The following EXOC6 variants were observed in gnomAD, a reference collection of about 807,000 sequenced individuals.
EXOC6 encodes exocyst complex component 6, also known as SEC15-like 1.
A neutral mutation model predicts 112.5 loss-of-function variants in EXOC6; 60 were observed. The observed-to-expected ratio is 0.53, with a 90% CI of 0.43 to 0.66. The LOEUF is 0.66. EXOC6 is among the 30% of genes least tolerant of loss of function. The probability of loss-of-function intolerance (pLI) is 0.00; values close to 1 mark genes in which losing one functional copy is unlikely to be tolerated. For synonymous variants in EXOC6, 295 were observed against 308.0 expected, an observed-to-expected ratio of 0.96 and a Z score of 0.44; for missense variants, 855 against 957.1, an observed-to-expected ratio of 0.89 and a Z score of 1.41.
At chr10:92,864,773 G>A (rs1463553688) in intron 1 of EXOC6, among the ~76,000 whole-genome samples, 1 of 152,014 alleles carries the variant, frequency 6.6e-6, no homozygotes, top group East Asian at 1.9e-4. Context: ...AGACTGTGGG[G>A]CTTACACGAG....
At chr10:92,861,142 G>A (rs1847891562) in intron 1 of EXOC6, among the ~76,000 whole-genome samples, 1 of 152,152 alleles carries the variant, frequency 6.6e-6, no homozygotes, top group Non-Finnish European at 1.5e-5. Flanking sequence ...TTATGTTTGT[G>A]CTTCTCCACA....
intron 17 of EXOC6, among the ~76,000 whole-genome samples, chr10:92,963,834 C>A (rs983673755): frequency 2.6e-5 from 4 of 152,076 alleles, no homozygotes; most frequent in African/African-American, 4.8e-5. Flanking sequence ...TATGATACTT[C>A]AGTTCTTGTA....
chr10:92,992,429 T>C (rs952426415), intron 18 of EXOC6, among the ~76,000 whole-genome samples: 2 of 152,188 alleles, frequency 1.3e-5, no homozygotes, highest in African/African-American at 2.4e-5. Context: ...TTCAGTGTTA[T>C]GTACAGTGTT....
intron 1 of EXOC6, among the ~76,000 whole-genome samples, chr10:92,887,438 C>T (rs1016191445): frequency 3.4e-5 from 5 of 145,592 alleles, no homozygotes; most frequent in African/African-American, 1.3e-4. Flanking sequence ...GTTCTTATCG[C>T]CCAGGCTGGA....
intron 20 of EXOC6, among the ~76,000 whole-genome samples, chr10:93,018,319 A>G (rs910878524): frequency 3.9e-5 from 6 of 152,194 alleles, no homozygotes; most frequent in Admixed American, 1.3e-4. Context: ...TAAATGCCTT[A>G]CTAGAGGCAT....
At position 93,058,317 on chromosome 10, in the gene EXOC6, C is replaced by G; in HGVS notation, c.2377C>G (p.Leu793Val). Residue 793 changes from leucine (L) to valine (V), a missense_variant, in exon 22 of 22, where the codon CTG becomes GTG. This residue lies in a region of EXOC6 where 450 missense variants were observed against 563.5 expected (regional missense o/e 0.80). Transcript: ENST00000260762. ...QKLIETVVKQ[L>V]RSLVNGMSQH... The stretch of plus-strand genomic sequence containing the variant: ...GTTGATAGAGACAGTCGTGAAACAG[C>G]TGAGAAGTTTGGTGAATGGTATGTC... 14 of 1,611,506 alleles carry G rather than the reference C, an allele frequency of 8.7e-6. No individual in the cohort carries two copies. Among genetic ancestry groups the G allele is most frequent in the Non-Finnish European group, 1.2e-5 (14 of 1,179,526 alleles).
At chr10:93,012,231 A>G (rs1454088167) in intron 19 of EXOC6, among the ~76,000 whole-genome samples, 2 of 152,182 alleles carry the variant, frequency 1.3e-5, no homozygotes, top group African/African-American at 4.8e-5. Context: ...TTACCTGCTC[A>G]AGAAGAGTAA....
At chr10:92,853,274 T>C (rs1847438902) in intron 1 of EXOC6, among the ~76,000 whole-genome samples, 1 of 152,230 alleles carries the variant, frequency 6.6e-6, no homozygotes, top group Non-Finnish European at 1.5e-5. Context: ...GGACACATAC[T>C]GTTTTCATGG....
intron 20 of EXOC6, among the ~76,000 whole-genome samples, chr10:93,020,010 T>C (rs936147752): frequency 5.9e-5 from 9 of 152,304 alleles, no homozygotes; most frequent in Non-Finnish European, 8.8e-5. Context: ...AAGACTAAAA[T>C]TTATTTTACA....
rs556551513 is a variant in EXOC6 at position 93,053,097 on chromosome 10, C to A, written c.2170-3827C>A. 7.2e-5 allele frequency among the ~76,000 whole-genome samples: 11 copies of A among 152,262 alleles called. No individual in the cohort carries two copies. In the South Asian group the frequency reaches 2.3e-3, roughly 32 times the overall value. On this transcript the variant is annotated intron_variant, in intron 20 of 21. Transcript: ENST00000260762. ...AGCCTAACCAATTGTGAGAGGCAGT[C>A]CGCAAGGCAGTGACTGTTGGGGTAG...
chr10:92,952,341 T>A lies in EXOC6; in HGVS notation c.1485T>A (p.Phe495Leu), dbSNP rs201828579. Residue 495 changes from phenylalanine (F) to leucine (L), a missense_variant, in exon 15 of 22, where the codon TTT (phenylalanine) becomes TTA (leucine). Physicochemically the swap from Phe to Leu is conservative, Grantham distance 22. Around this residue, in one of 2 missense-constraint regions of EXOC6, gnomAD observed 450 missense variants for 563.5 expected, o/e 0.80. Transcript: ENST00000260762. ...ATATTTACATTCAAGTTAAAGAATT[T>A]ATTTATGCCAGCCTTAAATTTTCAG... is the stretch of plus-strand genomic sequence containing the variant. ...VPHIYIQVKE[F>L]IYASLKFSES... 6.2e-7 allele frequency: 1 copy of A among 1,612,730 alleles called. No individual in the cohort carries two copies. The highest frequency in any genetic ancestry group is 8.5e-7 in the Non-Finnish European group (1 of 1,179,070).
chr10:93,006,172 A>G (rs1479083159), intron 19 of EXOC6, among the ~76,000 whole-genome samples: 1 of 151,794 alleles, frequency 6.6e-6, no homozygotes, highest in Non-Finnish European at 1.5e-5. Flanking sequence ...AAACAAAACA[A>G]AACAAGAAAG....
At chr10:92,902,137 C>G (rs147890115) in intron 5 of EXOC6, among the ~76,000 whole-genome samples, 1 of 152,252 alleles carries the variant, frequency 6.6e-6, no homozygotes, top group East Asian at 1.9e-4. Flanking sequence ...TACCTTTTCT[C>G]TCTTTTAGAA....
rs1444012669 is a variant in EXOC6 at position 93,058,281 on chromosome 10, G to A, written c.2341G>A (p.Asp781Asn). 5 of 1,611,786 alleles carry A rather than the reference G, an allele frequency of 3.1e-6. No homozygotes were observed. Among genetic ancestry groups the A allele is most frequent in the East Asian group, 4.5e-5 (2 of 44,694 alleles). Residue 781 changes from aspartate to asparagine, a missense_variant, in exon 22 of 22, where the codon GAC (aspartate) becomes AAC (asparagine). By Grantham distance (23) the Asp-to-Asn change is conservative (BLOSUM62 1). Around this residue, in one of 2 missense-constraint regions of EXOC6, gnomAD observed 450 missense variants for 563.5 expected, o/e 0.80. Transcript: ENST00000260762. Reference sequence around the variant, plus strand: ...TGCTCAGTTCAGGAAGAATGATCGAGACAAACAGAAGTTGATAGAGACAGT... The same window carrying A: ...TGCTCAGTTCAGGAAGAATGATCGAAACAAACAGAAGTTGATAGAGACAGT... ...IFAQFRKNDR[D>N]KQKLIETVVK...
At chr10:93,044,090 G>T (rs1024725660) in intron 20 of EXOC6, among the ~76,000 whole-genome samples, 2 of 152,202 alleles carry the variant, frequency 1.3e-5, no homozygotes, top group Non-Finnish European at 2.9e-5. Context: ...CTGCCTTAGT[G>T]AATCAGCTTC....
At chr10:92,838,620 T>C (rs1407001887) in intron 1 of EXOC6, among the ~76,000 whole-genome samples, 6 of 152,168 alleles carry the variant, frequency 3.9e-5, no homozygotes. Context: ...CAGCCAACTA[T>C]AGAGTTTGAA....
chr10:92,903,349 T>C (rs2133851746), intron 5 of EXOC6, among the ~76,000 whole-genome samples: 1 of 151,930 alleles, frequency 6.6e-6, no homozygotes, highest in South Asian at 2.1e-4. Flanking sequence ...TGATGACTGA[T>C]TGTTTATAGA....
intron 17 of EXOC6, among the ~76,000 whole-genome samples, chr10:92,970,483 G>A (rs1842252359): frequency 6.6e-6 from 1 of 152,140 alleles, no homozygotes; most frequent in African/African-American, 2.4e-5. Context: ...GGGAGATCCC[G>A]GAACCAATCT....
intron 20 of EXOC6, among the ~76,000 whole-genome samples, chr10:93,029,595 A>G (rs1590071480): frequency 1.3e-5 from 2 of 152,146 alleles, no homozygotes; most frequent in East Asian, 3.9e-4. Flanking sequence ...TTGTCTGTTC[A>G]CTCTTAATAG....
Sources: allele counts gnomAD v4.1 joint callset (sites outside exome capture counted in the v4.1 genomes callset), GRCh38; gene constraint gnomAD v4.1.1; regional missense constraint gnomAD v4.1.1; transcripts MANE v1.5; gene names NCBI Gene and HGNC (gene_info 2026-07-23, HGNC 2026-07-21).